SH3RF1: variants seen among roughly 807,000 people sequenced by gnomAD.
The protein encoded by SH3RF1 is SH3 domain containing ring finger 1, also known as E3 ubiquitin-protein ligase SH3RF1.
In SH3RF1, 32 loss-of-function variants were observed where a neutral mutation model predicts 74.0. The observed-to-expected ratio is 0.43, with a 90% CI of 0.33 to 0.58. The LOEUF (loss-of-function observed/expected upper bound fraction) is 0.58, where lower values mean the gene tolerates loss of function less well. SH3RF1 is among the 20% of genes least tolerant of loss of function. The probability of loss-of-function intolerance (pLI) is 0.05; values close to 1 mark genes in which losing one functional copy is unlikely to be tolerated. For synonymous variants in SH3RF1, 396 were observed against 439.6 expected, an observed-to-expected ratio of 0.90 and a Z score of 1.24; for missense variants, 954 against 1,130.9, an observed-to-expected ratio of 0.84 and a Z score of 2.24.
intron 5 of SH3RF1, among the ~76,000 whole-genome samples, chr4:169,131,765 T>C (rs1214454918): frequency 6.6e-6 from 1 of 151,660 alleles, no homozygotes; most frequent in Non-Finnish European, 1.5e-5. Flanking sequence ...ATCAGCCATT[T>C]GCATAGGAGT....
At chr4:169,262,297 T>C (rs1731292388) in intron 2 of SH3RF1, among the ~76,000 whole-genome samples, 1 of 152,218 alleles carries the variant, frequency 6.6e-6, no homozygotes, top group Admixed American at 6.5e-5. Flanking sequence ...TATTCTTCTA[T>C]ATGGTTGAAT....
At chr4:169,113,309 C>G (rs1171636720) in intron 10 of SH3RF1, among the ~76,000 whole-genome samples, 1 of 152,158 alleles carries the variant, frequency 6.6e-6, no homozygotes, top group Non-Finnish European at 1.5e-5. Flanking sequence ...CAGGGTTTCA[C>G]TATGTTGGCC....
chr4:169,134,373 T>A (rs1254242681), intron 5 of SH3RF1, among the ~76,000 whole-genome samples: 1 of 152,232 alleles, frequency 6.6e-6, no homozygotes, highest in Non-Finnish European at 1.5e-5. Context: ...AATGCTGAGC[T>A]CTCTGCAAAA....
chr4:169,156,310 T>A, intron 3 of SH3RF1, 94 bp downstream of exon 3: 5 of 1,272,698 alleles, frequency 3.9e-6, no homozygotes, highest in Non-Finnish European at 4.1e-6. Context: ...AAACTTGTAT[T>A]TTTTTTTGCA....
intron 2 of SH3RF1, among the ~76,000 whole-genome samples, chr4:169,250,864 A>T (rs554074474): frequency 6.6e-6 from 1 of 152,284 alleles, no homozygotes; most frequent in Non-Finnish European, 1.5e-5. Context: ...AGACATTTGA[A>T]AAGAGACCAA....
intron 2 of SH3RF1, among the ~76,000 whole-genome samples, chr4:169,176,898 G>A (rs891557533): frequency 1.4e-4 from 21 of 152,180 alleles, no homozygotes; most frequent in African/African-American, 4.6e-4. Context: ...TAGGATTAAA[G>A]GTGCATGTTA....
intron 2 of SH3RF1, among the ~76,000 whole-genome samples, chr4:169,222,335 G>A (rs1579146965): frequency 6.6e-6 from 1 of 152,146 alleles, no homozygotes; most frequent in East Asian, 1.9e-4. Context: ...CATGGTAGCA[G>A]ACACCTGTAG....
intron 2 of SH3RF1, among the ~76,000 whole-genome samples, chr4:169,257,587 C>T (rs991005260): frequency 7.2e-5 from 11 of 152,140 alleles, no homozygotes; most frequent in Non-Finnish European, 1.6e-4. Flanking sequence ...ATAATAAATG[C>T]CCTGTCCATC....
chr4:169,231,292 G>C (rs1730734242), intron 2 of SH3RF1, among the ~76,000 whole-genome samples: 2 of 152,194 alleles, frequency 1.3e-5, no homozygotes, highest in African/African-American at 2.4e-5. Context: ...AATAAGTTGG[G>C]TGTGGTGGCT....
intron 2 of SH3RF1, among the ~76,000 whole-genome samples, chr4:169,239,738 C>A (rs539158523): frequency 6.6e-6 from 1 of 152,110 alleles, no homozygotes; most frequent in African/African-American, 2.4e-5. Flanking sequence ...TAATTAAGAT[C>A]GGCCGAGTGC....
At chr4:169,103,075 C>G (rs528887021) in intron 11 of SH3RF1, among the ~76,000 whole-genome samples, 1 of 147,464 alleles carries the variant, frequency 6.8e-6, no homozygotes, top group Non-Finnish European at 1.5e-5. Context: ...TGCCCGCCAC[C>G]GCGCCTGGCT....
intron 2 of SH3RF1, among the ~76,000 whole-genome samples, chr4:169,158,861 C>T (rs932404573): frequency 2.0e-5 from 3 of 152,108 alleles, no homozygotes; most frequent in African/African-American, 7.2e-5. Context: ...TACCTATAAG[C>T]CAAATTTGTT....
At chr4:169,224,107 G>A (rs1164583994) in intron 2 of SH3RF1, among the ~76,000 whole-genome samples, 1 of 152,152 alleles carries the variant, frequency 6.6e-6, no homozygotes, top group Non-Finnish European at 1.5e-5. Context: ...TACTGTCCTT[G>A]TAACAATTTA....
At chr4:169,146,025 TTACATATTC>T (rs1291145194) in intron 4 of SH3RF1, among the ~76,000 whole-genome samples, 2 of 93,200 alleles carry the variant, frequency 2.1e-5, no homozygotes, top group South Asian at 3.5e-4. Flanking sequence ...ATATAAAATA[TTACATATTC>T]TATATATTCT....
chr4:169,194,189 T>A (rs17054830), intron 2 of SH3RF1, among the ~76,000 whole-genome samples: 8,571 of 152,226 alleles, frequency 0.056, 399 homozygotes, highest in Admixed American at 0.15. Flanking sequence ...TGCATGAGTG[T>A]CTGTTTTAGG....
Position 169,096,389 on chromosome 4 carries a change from C to G in SH3RF1, c.*130G>C. The G allele has an allele frequency of 1.1e-6, 1 of 940,594 alleles. No homozygotes were observed. Among genetic ancestry groups the G allele is most frequent in the Non-Finnish European group, 1.6e-6 (1 of 625,270 alleles). 58.3% of individuals were successfully genotyped at this position (940,594 alleles called of 1,614,324 possible). On this transcript the variant is annotated 3_prime_UTR_variant, in exon 12 of 12. Transcript: ENST00000284637. Reference sequence around the variant, plus strand: ...CGCTGGGGTAACTGTGCTGGGGCATCAGAGTCACATACCAATCCTTTGCTC... The same window carrying G: ...CGCTGGGGTAACTGTGCTGGGGCATGAGAGTCACATACCAATCCTTTGCTC...
chr4:169,226,642 A>G (rs968296673), intron 2 of SH3RF1, among the ~76,000 whole-genome samples: 1 of 152,224 alleles, frequency 6.6e-6, no homozygotes, highest in African/African-American at 2.4e-5. Context: ...ACTTTAGGTC[A>G]GTAGCTTTTT....
At chr4:169,256,105 AC>A (rs1050668996) in intron 2 of SH3RF1, among the ~76,000 whole-genome samples, 2 of 152,178 alleles carry the variant, frequency 1.3e-5, no homozygotes, top group African/African-American at 2.4e-5. Context: ...ACTACAAAGC[AC>A]ATCTAGTTTC....
At chr4:169,203,090 A>G (rs564305162) in intron 2 of SH3RF1, among the ~76,000 whole-genome samples, 1 of 152,324 alleles carries the variant, frequency 6.6e-6, no homozygotes, top group South Asian at 2.1e-4. Flanking sequence ...GAAAATGCTA[A>G]ACAAGCATTT....
Sources: allele counts gnomAD v4.1 joint callset (sites outside exome capture counted in the v4.1 genomes callset), GRCh38; gene constraint gnomAD v4.1.1; transcripts MANE v1.5; gene names NCBI Gene and HGNC (gene_info 2026-07-23, HGNC 2026-07-21).